FAM135B: variants seen among roughly 807,000 people sequenced by gnomAD.
The protein encoded by FAM135B is family with sequence similarity 135 member B.
Under a neutral mutation model 127.7 loss-of-function variants are expected in FAM135B, and 43 were observed. The ratio of observed to expected loss-of-function variants is 0.34; its 90% CI spans 0.26 to 0.43. The LOEUF is 0.43. Ranked by LOEUF, FAM135B falls within the 20% of genes least tolerant of loss-of-function variation. FAM135B has a pLI of 1.00. For missense variants in FAM135B, 1,558 were observed against 1,725.6 expected, an observed-to-expected ratio of 0.90 and a Z score of 1.72; for synonymous variants, 670 against 665.1, an observed-to-expected ratio of 1.01 and a Z score of -0.11.
At chr8:138,248,361 A>G (rs1821442266) in intron 6 of FAM135B, among the ~76,000 whole-genome samples, 1 of 152,196 alleles carries the variant, frequency 6.6e-6, no homozygotes, top group South Asian at 2.1e-4. Context: ...TAATGATGCC[A>G]GACTTGATTT....
At chr8:138,457,340 C>T (rs1319493908) in intron 1 of FAM135B, among the ~76,000 whole-genome samples, 1 of 152,122 alleles carries the variant, frequency 6.6e-6, no homozygotes, top group Non-Finnish European at 1.5e-5. Flanking sequence ...TGAGCCACTG[C>T]AGGGTCATAT....
intron 6 of FAM135B, among the ~76,000 whole-genome samples, chr8:138,246,477 G>A (rs1821296053): frequency 6.6e-6 from 1 of 152,156 alleles, no homozygotes; most frequent in Non-Finnish European, 1.5e-5. Context: ...CAGAGGGTGC[G>A]AGCCTCAAGC....
chr8:138,406,433 A>G (rs1833497789), intron 1 of FAM135B, among the ~76,000 whole-genome samples: 1 of 151,638 alleles, frequency 6.6e-6, no homozygotes, highest in African/African-American at 2.4e-5. Context: ...TCCTGATACC[A>G]AAGCCGGGCA....
At chr8:138,353,138 A>T (rs1007877356) in intron 2 of FAM135B, among the ~76,000 whole-genome samples, 1 of 152,152 alleles carries the variant, frequency 6.6e-6, no homozygotes, top group African/African-American at 2.4e-5. Context: ...TAGGAGAGAA[A>T]GTCCAAACTC....
chr8:138,259,679 T>G (rs1437804012), intron 4 of FAM135B, among the ~76,000 whole-genome samples: 1 of 152,164 alleles, frequency 6.6e-6, no homozygotes, highest in Non-Finnish European at 1.5e-5. Context: ...AAACCCTGGC[T>G]CTACGACTTC....
chr8:138,390,706 T>C (rs926618781), intron 1 of FAM135B, among the ~76,000 whole-genome samples: 17 of 152,198 alleles, frequency 1.1e-4, no homozygotes, highest in African/African-American at 4.1e-4. Context: ...AATGTGTGCA[T>C]GTCCATCCAT....
At chr8:138,160,308 C>A (rs1466545390) in intron 12 of FAM135B, among the ~76,000 whole-genome samples, 2 of 152,028 alleles carry the variant, frequency 1.3e-5, no homozygotes, top group African/African-American at 4.8e-5. Flanking sequence ...TTATGGAAAC[C>A]CACAATTTAT....
chr8:138,134,707 C>A (rs929634560), intron 19 of FAM135B, among the ~76,000 whole-genome samples: 2 of 151,910 alleles, frequency 1.3e-5, no homozygotes, highest in Admixed American at 1.3e-4. Flanking sequence ...AAGTGATAAT[C>A]ATGTATAAAC....
At chr8:138,309,377 A>AG (rs1453571026) in intron 3 of FAM135B, among the ~76,000 whole-genome samples, 1 of 152,168 alleles carries the variant, frequency 6.6e-6, no homozygotes, top group Non-Finnish European at 1.5e-5. Flanking sequence ...CCCAGGAGAG[A>AG]GGGGTGGAGG....
chr8:138,302,861 T>C (rs1563875954), intron 3 of FAM135B, among the ~76,000 whole-genome samples: 1 of 152,242 alleles, frequency 6.6e-6, no homozygotes, highest in African/African-American at 2.4e-5. Context: ...TAGAATTTTA[T>C]GCTGGGTAAG....
chr8:138,236,113 G>A (rs1475546596), intron 7 of FAM135B, among the ~76,000 whole-genome samples: 1 of 152,122 alleles, frequency 6.6e-6, no homozygotes, highest in Non-Finnish European at 1.5e-5. Flanking sequence ...GCGTTCAGAT[G>A]TTCTCAGATT....
chr8:138,461,425 A>T (rs1837111875), intron 1 of FAM135B, among the ~76,000 whole-genome samples: 1 of 152,178 alleles, frequency 6.6e-6, no homozygotes, highest in African/African-American at 2.4e-5. Flanking sequence ...TTTCCAGAGG[A>T]TTTGAGAAGC....
intron 2 of FAM135B, among the ~76,000 whole-genome samples, chr8:138,325,837 G>A (rs1827767667): frequency 6.6e-6 from 1 of 152,154 alleles, no homozygotes; most frequent in Non-Finnish European, 1.5e-5. Context: ...TTTCTCATTT[G>A]CAAATGAAGA....
At chr8:138,424,948 A>G (rs906893320) in intron 1 of FAM135B, among the ~76,000 whole-genome samples, 1 of 152,182 alleles carries the variant, frequency 6.6e-6, no homozygotes, top group Admixed American at 6.5e-5. Context: ...ATTACAGTGC[A>G]TTGCTACCAT....
rs1814713727 is a variant in FAM135B at position 138,178,678 on chromosome 8, G to T, written c.886C>A (p.Pro296Thr). The T allele has an allele frequency of 1.3e-5, 21 of 1,611,250 alleles. No individual in the cohort carries two copies. Among genetic ancestry groups the T allele is most frequent in the Non-Finnish European group, 1.7e-5 (20 of 1,178,918 alleles). The part of the protein sequence containing the change: ...LCSELQMLNN[P>T]EKIAEQISKD... ...CTTATCTGCTCAGCGATCTTCTCTG[G>T]ATTGTTCAACATCTGGAGAGGCAAA... The change falls in exon 10 of 20, where the codon CCA becomes ACA. Residue 296 changes from proline to threonine, a missense_variant. Pro to Thr is a conservative substitution (Grantham distance 38, BLOSUM62 -1). Around this residue, in one of 5 missense-constraint regions of FAM135B, gnomAD observed 115 missense variants for 171.1 expected, o/e 0.67. Transcript: ENST00000395297.
At chr8:138,490,604 C>T (rs931627372) in intron 1 of FAM135B, among the ~76,000 whole-genome samples, 5 of 152,158 alleles carry the variant, frequency 3.3e-5, no homozygotes, top group Non-Finnish European at 4.4e-5. Flanking sequence ...CAAAGGAAGC[C>T]TACACCACTC....
chr8:138,377,612 C>A (rs1831566313), intron 1 of FAM135B, among the ~76,000 whole-genome samples: 1 of 152,188 alleles, frequency 6.6e-6, no homozygotes, highest in South Asian at 2.1e-4. Flanking sequence ...CTCTATTCAT[C>A]TTTTAAAGGT....
intron 1 of FAM135B, among the ~76,000 whole-genome samples, chr8:138,390,502 A>G (rs896625984): frequency 3.9e-5 from 6 of 152,114 alleles, no homozygotes; most frequent in African/African-American, 1.2e-4. Context: ...TAAATTACCT[A>G]GTCTCAGGTC....
At chr8:138,428,135 T>C (rs1429966985) in intron 1 of FAM135B, among the ~76,000 whole-genome samples, 2 of 152,234 alleles carry the variant, frequency 1.3e-5, no homozygotes, top group South Asian at 2.1e-4. Flanking sequence ...ATAGTACTGA[T>C]AGTCTGTTGA....
Sources: allele counts gnomAD v4.1 joint callset (sites outside exome capture counted in the v4.1 genomes callset), GRCh38; gene constraint gnomAD v4.1.1; regional missense constraint gnomAD v4.1.1; transcripts MANE v1.5; gene names NCBI Gene and HGNC (gene_info 2026-07-23, HGNC 2026-07-21).